Variants in MME observed in about 807,000 individuals in gnomAD.
MME encodes membrane metalloendopeptidase.
In MME, 98 loss-of-function variants were observed where a neutral mutation model predicts 113.2. The observed-to-expected ratio is 0.87, with a 90% CI of 0.74 to 1.02. MME has a LOEUF of 1.02. MME is among the 50% of genes least tolerant of loss of function. The pLI is 0.00. For synonymous variants in MME, 292 were observed against 300.6 expected, an observed-to-expected ratio of 0.97 and a Z score of 0.30; for missense variants, 836 against 896.0, an observed-to-expected ratio of 0.93 and a Z score of 0.86.
chr3:155,127,346 T>C (rs1345470080), intron 8 of MME, among the ~76,000 whole-genome samples: 2 of 152,190 alleles, frequency 1.3e-5, no homozygotes, highest in Non-Finnish European at 2.9e-5. Flanking sequence ...TTAGTCTATT[T>C]GGTCAAAGTT....
chr3:155,029,738 G>C (rs1480385289), intron 1 of MME, among the ~76,000 whole-genome samples: 4 of 152,030 alleles, frequency 2.6e-5, no homozygotes, highest in Non-Finnish European at 5.9e-5. Flanking sequence ...TTTAAAACTA[G>C]TTCTACTTGC....
At chr3:155,043,592 G>A (rs920927839) in intron 1 of MME, among the ~76,000 whole-genome samples, 2 of 151,960 alleles carry the variant, frequency 1.3e-5, no homozygotes, top group Non-Finnish European at 2.9e-5. Context: ...TTGGCCTCAC[G>A]AAGTGCTGGG....
chr3:155,056,144 G>A (rs1713918973), intron 1 of MME, among the ~76,000 whole-genome samples: 2 of 152,146 alleles, frequency 1.3e-5, no homozygotes, highest in South Asian at 2.1e-4. Flanking sequence ...CTCAGATAAT[G>A]TTGTTTTATT....
At chr3:155,089,116 T>C (rs550737090) in intron 3 of MME, among the ~76,000 whole-genome samples, 1 of 152,336 alleles carries the variant, frequency 6.6e-6, no homozygotes, top group East Asian at 1.9e-4. Context: ...ATATGTGTAA[T>C]GCATCAGTAT....
chr3:155,065,577 A>G (rs1714358957), intron 1 of MME, among the ~76,000 whole-genome samples: 1 of 152,196 alleles, frequency 6.6e-6, no homozygotes, highest in South Asian at 2.1e-4. Context: ...AATCTATATA[A>G]ATAAGGTGAA....
chr3:155,087,106 G>C (rs1306218969), intron 3 of MME, among the ~76,000 whole-genome samples: 2 of 151,548 alleles, frequency 1.3e-5, no homozygotes, highest in Non-Finnish European at 2.9e-5. Context: ...CAAAGTGCTG[G>C]GATTACAGGC....
chr3:155,126,602 G>A (rs1203195916), intron 8 of MME, among the ~76,000 whole-genome samples: 1 of 151,878 alleles, frequency 6.6e-6, no homozygotes, highest in Non-Finnish European at 1.5e-5. Flanking sequence ...GATTTCATTT[G>A]AGAATCCAGA....
At chr3:155,063,283 A>C (rs1308762526) in intron 1 of MME, among the ~76,000 whole-genome samples, 2 of 111,860 alleles carry the variant, frequency 1.8e-5, no homozygotes, top group Admixed American at 2.3e-4. Flanking sequence ...ATATATTATA[A>C]TATATACATA....
chr3:155,074,950 A>G (rs909826579), upstream of MME, among the ~76,000 whole-genome samples: 10 of 151,924 alleles, frequency 6.6e-5, no homozygotes, highest in African/African-American at 2.4e-4. Context: ...CTTGGGTGAA[A>G]TGTTCTATAT....
intron 16 of MME, among the ~76,000 whole-genome samples, chr3:155,154,074 T>C (rs144856568): frequency 1.2e-3 from 189 of 152,318 alleles, no homozygotes; most frequent in African/African-American, 4.3e-3. Context: ...AAACATTCTC[T>C]GGAATCAATA....
Position 155,085,202 on chromosome 3 carries a change from ATTAT to A in MME, c.196+113_196+116del, listed in dbSNP as rs1242848783. On this transcript the variant is annotated intron_variant, in intron 3 of 22. Coordinates refer to ENST00000360490, the MANE Select transcript of MME (RefSeq NM_007289.4). ...TTACACTTTTATTCATTGTAGATCA[ATTAT>A]TTATGTGTCTGGCTCTATAATCAAT... is the stretch of plus-strand genomic sequence containing the variant. 4.3e-5 allele frequency: 30 copies of A among 693,510 alleles called. No individual in the cohort carries two copies. The South Asian group carries it at 5.6e-4, about 13-fold the overall frequency. 43.0% of individuals were successfully genotyped at this position (693,510 alleles called of 1,614,324 possible). A position where few individuals can be genotyped will look rare whatever the true frequency, so the allele number is the denominator to read the frequency against.
intron 1 of MME, among the ~76,000 whole-genome samples, chr3:155,028,971 AAGTC>A (rs1301963729): frequency 6.6e-6 from 1 of 152,216 alleles, no homozygotes; most frequent in African/African-American, 2.4e-5. Flanking sequence ...ATGGTAAAAT[AAGTC>A]AATCATTTAG....
At chr3:155,099,106 G>A (rs1716989897) in intron 3 of MME, among the ~76,000 whole-genome samples, 1 of 152,124 alleles carries the variant, frequency 6.6e-6, no homozygotes, top group Non-Finnish European at 1.5e-5. Flanking sequence ...AAGGTGGAGG[G>A]ATATGCCACC....
upstream of MME, among the ~76,000 whole-genome samples, chr3:155,078,392 C>G (rs3773907): frequency 1.4e-4 from 21 of 152,242 alleles, no homozygotes; most frequent in East Asian, 4.1e-3. Flanking sequence ...TAGGTCTACA[C>G]ACTCCATTTT....
intron 16 of MME, among the ~76,000 whole-genome samples, chr3:155,149,037 C>T: frequency 6.6e-6 from 1 of 151,994 alleles, no homozygotes; most frequent in East Asian, 1.9e-4. Context: ...ACAGCCCCAC[C>T]TTTTTTCTAT....
intron 3 of MME, among the ~76,000 whole-genome samples, chr3:155,095,617 C>G (rs1377085322): frequency 6.6e-6 from 1 of 152,014 alleles, no homozygotes; most frequent in Non-Finnish European, 1.5e-5. Flanking sequence ...TGGGCTCAAG[C>G]AATCCACACG....
chr3:155,163,112 G>A (rs1196368090), intron 17 of MME, among the ~76,000 whole-genome samples: 2 of 151,376 alleles, frequency 1.3e-5, no homozygotes. Context: ...CTGTCTTAAT[G>A]GATTTGGGAT....
intron 8 of MME, among the ~76,000 whole-genome samples, chr3:155,127,007 CAA>C (rs781764437): frequency 9.5e-4 from 62 of 65,068 alleles, no homozygotes; most frequent in Admixed American, 1.3e-3. Context: ...AACTCCATCT[CAA>C]AAAAAAAAAA....
intron 15 of MME, among the ~76,000 whole-genome samples, 169 bp from the exon 16 acceptor site, chr3:155,148,381 A>G (rs1398440912): frequency 6.6e-6 from 1 of 152,152 alleles, no homozygotes; most frequent in Non-Finnish European, 1.5e-5. Flanking sequence ...GACCTGTGAT[A>G]TACTAATAGA....
Sources: gnomAD v4.1 joint callset for allele counts (sites outside exome capture counted in the v4.1 genomes callset) on GRCh38, gnomAD v4.1.1 for gene constraint, MANE v1.5 for transcripts, NCBI Gene and HGNC (gene_info 2026-07-23, HGNC 2026-07-21) for gene names.